FAM219A: variants seen among roughly 807,000 people sequenced by gnomAD.
FAM219A encodes the protein protein FAM219A.
FAM219A carries 7 observed loss-of-function variants against 23.4 expected under a neutral mutation model. That is an observed-to-expected ratio of 0.30 (90% CI 0.17 to 0.56). FAM219A has a LOEUF of 0.56. Ranked by LOEUF, FAM219A falls within the 20% of genes least tolerant of loss-of-function variation. The probability of loss-of-function intolerance (pLI) is 0.92; values close to 1 mark genes in which losing one functional copy is unlikely to be tolerated. For synonymous variants in FAM219A, 93 were observed against 99.0 expected (o/e 0.94, Z 0.36); for missense variants, 166 against 246.9 (o/e 0.67, Z 2.20).
chr9:34,442,737 C>T (rs1424290786), intron 1 of FAM219A, among the ~76,000 whole-genome samples: 1 of 151,066 alleles, frequency 6.6e-6, no homozygotes, highest in African/African-American at 2.4e-5. Flanking sequence ...AATGTGTGAG[C>T]CAGATTCAAA....
chr9:34,435,961 A>G (rs1006921499), intron 1 of FAM219A, among the ~76,000 whole-genome samples: 1 of 151,892 alleles, frequency 6.6e-6, no homozygotes, highest in African/African-American at 2.4e-5. Flanking sequence ...GCCCACCACC[A>G]CACCTGGCTC....
chr9:34,399,505 CCAAA>C lies in FAM219A; in HGVS notation c.*1455_*1458del, dbSNP rs141730282. On this transcript the variant is annotated 3_prime_UTR_variant, in exon 6 of 6. Coordinates refer to ENST00000651358, the MANE Select transcript of FAM219A (RefSeq NM_001184940.2). ...CACATTCACAGACAAACACGTAATC[CCAAA>C]CAGAGCCACATGTGCTCAGACATAC... The C allele has an allele frequency of 0.021, 3,145 of 152,400 alleles. 101 individuals are homozygous for C. Among genetic ancestry groups the C allele is most frequent in the East Asian group, 0.13 (669 of 5,166 alleles). 9.4% of individuals were successfully genotyped at this position (152,400 alleles called of 1,614,324 possible).
At chr9:34,410,390 C>G (rs2131939799) in intron 1 of FAM219A, among the ~76,000 whole-genome samples, 1 of 152,248 alleles carries the variant, frequency 6.6e-6, no homozygotes, top group Middle Eastern at 3.4e-3. Context: ...AAGTGTGGAA[C>G]CTTCAAGGCT....
Position 34,398,721 on chromosome 9 carries a change from G to A in FAM219A, c.*2243C>T, listed in dbSNP as rs1821310496. On this transcript the variant is annotated 3_prime_UTR_variant, in exon 6 of 6. Transcript: ENST00000651358. The stretch of plus-strand genomic sequence containing the variant: ...GGAGGTACCCATGTTCTAGAAAGGT[G>A]AGCCAAGGAGCCCCGGGGTGGTGGT... 8.4e-6 allele frequency: 2 copies of A among 238,768 alleles called. No homozygotes were observed. Among genetic ancestry groups the A allele is most frequent in the South Asian group, 1.5e-4 (2 of 12,944 alleles). The allele number at this position is 238,768 out of a possible 1,614,324, so 14.8% of individuals were successfully genotyped here.
At chr9:34,408,014 C>G (rs950529263) in intron 1 of FAM219A, among the ~76,000 whole-genome samples, 4 of 152,206 alleles carry the variant, frequency 2.6e-5, no homozygotes, top group African/African-American at 9.6e-5. Flanking sequence ...TCCTTCAGGC[C>G]ATCCAGAGCA....
chr9:34,415,801 T>C (rs1424012914), intron 1 of FAM219A, among the ~76,000 whole-genome samples: 1 of 152,122 alleles, frequency 6.6e-6, no homozygotes, highest in Non-Finnish European at 1.5e-5. Flanking sequence ...AGTTCAAGAC[T>C]GTGGATTAGG....
chr9:34,438,751 A>G (rs951788707), intron 1 of FAM219A, among the ~76,000 whole-genome samples: 3 of 152,222 alleles, frequency 2.0e-5, no homozygotes, highest in African/African-American at 7.2e-5. Context: ...CGCACCAATC[A>G]GTGCCCTGTC....
intron 1 of FAM219A, among the ~76,000 whole-genome samples, chr9:34,427,242 G>A (rs563003306): frequency 6.6e-6 from 1 of 152,064 alleles, no homozygotes; most frequent in South Asian, 2.1e-4. Flanking sequence ...CGCAATCTCG[G>A]CTCACTGCAG....
intron 1 of FAM219A, among the ~76,000 whole-genome samples, chr9:34,451,739 T>G (rs1379267511): frequency 6.6e-6 from 1 of 152,172 alleles, no homozygotes; most frequent in Non-Finnish European, 1.5e-5. Context: ...GAGGCCACAC[T>G]GGGACCTCTG....
intron 1 of FAM219A, among the ~76,000 whole-genome samples, chr9:34,418,827 T>A (rs777581938): frequency 3.6e-4 from 55 of 152,168 alleles, no homozygotes; most frequent in Non-Finnish European, 7.1e-4. Flanking sequence ...CCCAGCACTT[T>A]GGGAGGCCGA....
chr9:34,442,123 A>T (rs1823198842), intron 1 of FAM219A, among the ~76,000 whole-genome samples: 1 of 152,228 alleles, frequency 6.6e-6, no homozygotes, highest in African/African-American at 2.4e-5. Flanking sequence ...CTCAAAAGGT[A>T]AACTGTGGCA....
intron 2 of FAM219A, 106 bp downstream of exon 2, chr9:34,405,759 G>T: frequency 1.8e-6 from 2 of 1,126,714 alleles, no homozygotes; most frequent in Non-Finnish European, 2.6e-6. Flanking sequence ...CTTGAGTCTT[G>T]GAATCATCTA....
intron 1 of FAM219A, among the ~76,000 whole-genome samples, chr9:34,451,351 A>T (rs183439578): frequency 8.5e-5 from 13 of 152,214 alleles, no homozygotes; most frequent in Admixed American, 2.0e-4. Context: ...GAGCCTATTT[A>T]AGAAACAATG....
At chr9:34,402,357 G>T (rs892603621) in intron 4 of FAM219A, 30 bp downstream of exon 4, 2 of 1,614,186 alleles carry the variant, frequency 1.2e-6, no homozygotes, top group South Asian at 1.1e-5. Flanking sequence ...CCTTTGGGCT[G>T]CCCAGCTACC....
intron 1 of FAM219A, among the ~76,000 whole-genome samples, chr9:34,410,317 A>G (rs951450892): frequency 6.6e-6 from 1 of 152,214 alleles, no homozygotes; most frequent in African/African-American, 2.4e-5. Flanking sequence ...CTGGGACCCA[A>G]GAGATCCCAA....
intron 4 of FAM219A, 115 bp downstream of exon 4, chr9:34,402,272 T>C (rs1045041710): frequency 3.1e-6 from 5 of 1,613,722 alleles, no homozygotes; most frequent in African/African-American, 1.3e-5. Context: ...CTTGGAGAGA[T>C]TCTGGCTGAA....
At chr9:34,402,119 T>C in intron 4 of FAM219A, 1 of 1,432,488 alleles carries the variant, frequency 7.0e-7, no homozygotes, top group Non-Finnish European at 9.2e-7. Flanking sequence ...AGAGACAACA[T>C]CACAGGCCAA....
intron 1 of FAM219A, among the ~76,000 whole-genome samples, chr9:34,430,994 C>A (rs537060452): frequency 6.6e-6 from 1 of 152,310 alleles, no homozygotes; most frequent in South Asian, 2.1e-4. Flanking sequence ...GGGCAAGAGC[C>A]CTGCCTGCTG....
At chr9:34,432,081 T>G (rs1588057823) in intron 1 of FAM219A, among the ~76,000 whole-genome samples, 1 of 152,228 alleles carries the variant, frequency 6.6e-6, no homozygotes, top group African/African-American at 2.4e-5. Context: ...CAGCCTACAT[T>G]CTGCAGCCAC....
Sources: allele counts gnomAD v4.1 joint callset (sites outside exome capture counted in the v4.1 genomes callset), GRCh38; gene constraint gnomAD v4.1.1; transcripts MANE v1.5; gene names NCBI Gene and HGNC (gene_info 2026-07-23, HGNC 2026-07-21).